The following B4GALT6 variants were observed in gnomAD, a reference collection of about 807,000 sequenced individuals.
The protein encoded by B4GALT6 is UDP-Gal:beta-GlcNAc beta-1,4-galactosyltransferase 6.
Under a neutral mutation model 46.3 loss-of-function variants are expected in B4GALT6, and 14 were observed. The observed-to-expected ratio is 0.30, with a 90% CI of 0.20 to 0.47. B4GALT6 has a LOEUF of 0.47. Ranked by LOEUF, B4GALT6 falls within the 20% of genes least tolerant of loss-of-function variation. The probability of loss-of-function intolerance (pLI) is 0.99; values close to 1 mark genes in which losing one functional copy is unlikely to be tolerated. For synonymous variants in B4GALT6, 168 were observed against 162.0 expected, an observed-to-expected ratio of 1.04 and a Z score of -0.28; for missense variants, 386 against 480.1, an observed-to-expected ratio of 0.80 and a Z score of 1.83.
At chr18:31,722,789 C>T in the B4GALT6 span, among the ~76,000 whole-genome samples, 1 of 152,090 alleles carries the variant, frequency 6.6e-6, no homozygotes, top group East Asian at 1.9e-4. Context: ...ACTATGATCC[C>T]GTTCTTAGTG....
chr18:31,633,335 G>A (rs2073814683), intron 5 of B4GALT6, among the ~76,000 whole-genome samples: 1 of 152,080 alleles, frequency 6.6e-6, no homozygotes, highest in African/African-American at 2.4e-5. Context: ...CCTCCAGAAG[G>A]CAGTGGGGGG....
At chr18:31,669,909 C>T (rs12604556) in intron 1 of B4GALT6, among the ~76,000 whole-genome samples, 1 of 152,048 alleles carries the variant, frequency 6.6e-6, no homozygotes, top group Non-Finnish European at 1.5e-5. Context: ...AGAACTCAGC[C>T]TAAGGCAAAA....
chr18:31,671,489 A>G (rs1269150346), intron 1 of B4GALT6, among the ~76,000 whole-genome samples: 2 of 152,114 alleles, frequency 1.3e-5, no homozygotes, highest in African/African-American at 2.4e-5. Flanking sequence ...GCATTTCTCT[A>G]ATGACCAGTG....
At chr18:31,656,446 G>A (rs990551221) in intron 3 of B4GALT6, among the ~76,000 whole-genome samples, 4 of 151,928 alleles carry the variant, frequency 2.6e-5, no homozygotes, top group Admixed American at 1.3e-4. Flanking sequence ...AATAATAGCC[G>A]TGTGGCTTCT....
chr18:31,648,183 GT>G (rs1281722325), intron 3 of B4GALT6, among the ~76,000 whole-genome samples: 1 of 151,304 alleles, frequency 6.6e-6, no homozygotes, highest in Non-Finnish European at 1.5e-5. Flanking sequence ...TCTGAGATTG[GT>G]TGTTGTTGTT....
intron 4 of B4GALT6, among the ~76,000 whole-genome samples, chr18:31,639,221 G>C (rs1734134123): frequency 6.6e-6 from 1 of 152,242 alleles, no homozygotes; most frequent in African/African-American, 2.4e-5. Flanking sequence ...CATCTAAGAG[G>C]TAAGCTAGCA....
chr18:31,664,271 T>C (rs1269371913), intron 2 of B4GALT6, among the ~76,000 whole-genome samples: 1 of 152,150 alleles, frequency 6.6e-6, no homozygotes, highest in African/African-American at 2.4e-5. Context: ...GCCACAGATA[T>C]CCAACTTGCA....
At chr18:31,659,422 T>A (rs1483924767) in intron 2 of B4GALT6, among the ~76,000 whole-genome samples, 1 of 152,158 alleles carries the variant, frequency 6.6e-6, no homozygotes, top group African/African-American at 2.4e-5. Context: ...GGGCAGAGAC[T>A]CACGCCACCT....
At chr18:31,682,985 T>C (rs1383678728) in intron 1 of B4GALT6, among the ~76,000 whole-genome samples, 51 of 152,210 alleles carry the variant, frequency 3.4e-4, no homozygotes, top group Non-Finnish European at 2.9e-5. Context: ...TTGTTTTTTC[T>C]GGCCTAAAGG....
At chr18:31,627,363 A>T (rs1003705929) in intron 6 of B4GALT6, among the ~76,000 whole-genome samples, 1 of 152,136 alleles carries the variant, frequency 6.6e-6, no homozygotes. Context: ...AATATTTAGT[A>T]TACAAATAAG....
chr18:31,714,493 G>A, the B4GALT6 span, among the ~76,000 whole-genome samples: 2 of 152,214 alleles, frequency 1.3e-5, no homozygotes, highest in Non-Finnish European at 2.9e-5. Context: ...AGCCTGGGAA[G>A]AAGGCAAAGT....
intron 1 of B4GALT6, among the ~76,000 whole-genome samples, chr18:31,680,792 G>A (rs556549732): frequency 6.6e-6 from 1 of 152,298 alleles, no homozygotes; most frequent in East Asian, 1.9e-4. Flanking sequence ...TCAAGCATCT[G>A]AACACCATGG....
intron 3 of B4GALT6, among the ~76,000 whole-genome samples, chr18:31,647,389 C>T (rs558631641): frequency 2.0e-5 from 3 of 152,252 alleles, no homozygotes; most frequent in East Asian, 1.9e-4. Context: ...ATTTCTTTCC[C>T]TCAATAGAGA....
intron 1 of B4GALT6, among the ~76,000 whole-genome samples, chr18:31,681,053 T>C (rs747593962): frequency 5.3e-5 from 8 of 152,206 alleles, no homozygotes; most frequent in African/African-American, 9.7e-5. Flanking sequence ...AGCAGTTTTA[T>C]GGGGCTCAGC....
the B4GALT6 span, among the ~76,000 whole-genome samples, chr18:31,696,090 A>G: frequency 9.2e-5 from 14 of 152,210 alleles, no homozygotes; most frequent in African/African-American, 3.4e-4. Context: ...AGAGAGAGTT[A>G]GAAGGGTTCA....
chr18:31,622,839 T>C lies in B4GALT6; in HGVS notation c.*2775A>G, dbSNP rs1347609077. 6.6e-6 allele frequency: 1 copy of C among 152,102 alleles called. No individual in the cohort carries two copies. The highest frequency in any genetic ancestry group is 1.5e-5 in the Non-Finnish European group (1 of 67,928). 9.4% of individuals were successfully genotyped at this position (152,102 alleles called of 1,614,324 possible). On this transcript the variant is annotated 3_prime_UTR_variant, in exon 9 of 9. Coordinates refer to ENST00000306851, the MANE Select transcript of B4GALT6 (RefSeq NM_004775.5). ...ATATATAGTTCCAGCAAATGTGTAC[T>C]CTTCTCCTTTTCTTCTCTACAGACA...
chr18:31,718,889 T>C, the B4GALT6 span: 3 of 152,208 alleles, frequency 2.0e-5, no homozygotes, highest in South Asian at 6.2e-4. Flanking sequence ...AAAAGTTTTT[T>C]GGGGAATGTG....
At chr18:31,632,343 C>T (rs2073801762) in intron 5 of B4GALT6, among the ~76,000 whole-genome samples, 1 of 152,156 alleles carries the variant, frequency 6.6e-6, no homozygotes, top group South Asian at 2.1e-4. Flanking sequence ...ACTAGTACAT[C>T]AACATCAGCT....
chr18:31,645,486 ATTAAAAATG>A lies in B4GALT6; in HGVS notation c.347-16_347-8del. ...TTGACATTGAGGAATCCTCCTACAA[ATTAAAAATG>A]TAAAGAATTGTTTTAATATTTTTTG... On this transcript the variant is annotated splice_polypyrimidine_tract_variant and splice_region_variant and intron_variant, in intron 3 of 8. Coordinates refer to ENST00000306851, the MANE Select transcript of B4GALT6 (RefSeq NM_004775.5). 1 of 1,600,768 alleles carries A rather than the reference ATTAAAAATG, an allele frequency of 6.2e-7. No homozygotes were observed. The highest frequency in any genetic ancestry group is 8.5e-7 in the Non-Finnish European group (1 of 1,176,694).
Sources: gnomAD v4.1 joint callset for allele counts (sites outside exome capture counted in the v4.1 genomes callset) on GRCh38, gnomAD v4.1.1 for gene constraint, MANE v1.5 for transcripts, NCBI Gene and HGNC (gene_info 2026-07-23, HGNC 2026-07-21) for gene names.